Variants in RGS7 observed in about 807,000 individuals in gnomAD.
The protein encoded by RGS7 is regulator of G protein signaling 7, also known as regulator of G-protein signaling 7.
Under a neutral mutation model 81.1 loss-of-function variants are expected in RGS7, and 27 were observed. That is an observed-to-expected ratio of 0.33 (90% CI 0.25 to 0.46). RGS7 has a LOEUF of 0.46. Ranked by LOEUF, RGS7 falls within the 20% of genes least tolerant of loss-of-function variation. The pLI is 1.00. For synonymous variants in RGS7, 208 were observed against 207.7 expected, an observed-to-expected ratio of 1.00 and a Z score of -0.01; for missense variants, 396 against 607.4, an observed-to-expected ratio of 0.65 and a Z score of 3.66.
intron 2 of RGS7, among the ~76,000 whole-genome samples, chr1:241,220,983 A>G (rs1483203066): frequency 1.2e-5 from 1 of 85,880 alleles, no homozygotes. Context: ...GGAAGGAAGG[A>G]AGGAAGGAAG....
chr1:240,960,070 G>A, intron 4 of RGS7, among the ~76,000 whole-genome samples: 1 of 151,582 alleles, frequency 6.6e-6, no homozygotes, highest in Non-Finnish European at 1.5e-5. Context: ...TGTGGCTTGA[G>A]CCTGGGAGGT....
chr1:241,279,807 A>G (rs190671851), intron 2 of RGS7, among the ~76,000 whole-genome samples: 21 of 152,364 alleles, frequency 1.4e-4, no homozygotes, highest in Admixed American at 1.0e-3. Flanking sequence ...ATATAGAATT[A>G]TATGATATGT....
At chr1:241,310,964 T>A (rs1207200765) in intron 2 of RGS7, among the ~76,000 whole-genome samples, 1 of 152,170 alleles carries the variant, frequency 6.6e-6, no homozygotes, top group South Asian at 2.1e-4. Context: ...TGGAATGCAA[T>A]GGAAGACAGA....
intron 6 of RGS7, among the ~76,000 whole-genome samples, chr1:240,913,776 A>G (rs1271660990): frequency 6.6e-6 from 1 of 151,680 alleles, no homozygotes; most frequent in African/African-American, 2.4e-5. Context: ...ATCCCAGAGC[A>G]TCTGTAATTT....
intron 2 of RGS7, among the ~76,000 whole-genome samples, chr1:241,319,302 T>A (rs1417191937): frequency 1.3e-5 from 2 of 152,264 alleles, no homozygotes; most frequent in Non-Finnish European, 2.9e-5. Flanking sequence ...ATGTTATACA[T>A]CCATGAAATG....
chr1:241,112,798 C>A (rs1422656868), intron 2 of RGS7, among the ~76,000 whole-genome samples: 2 of 152,200 alleles, frequency 1.3e-5, no homozygotes, highest in East Asian at 1.9e-4. Context: ...CGATTCAAGG[C>A]ACTACAACGT....
At chr1:240,863,702 T>A (rs988270653) in intron 9 of RGS7, among the ~76,000 whole-genome samples, 3 of 152,066 alleles carry the variant, frequency 2.0e-5, no homozygotes, top group Admixed American at 6.6e-5. Context: ...CTATAATATA[T>A]GAAAAATGCC....
At chr1:241,042,689 C>G (rs1200262351) in intron 3 of RGS7, among the ~76,000 whole-genome samples, 1 of 152,088 alleles carries the variant, frequency 6.6e-6, no homozygotes, top group Non-Finnish European at 1.5e-5. Flanking sequence ...CCTGTAATCC[C>G]AGCACTTTGG....
At chr1:241,255,788 T>C (rs1558242353) in intron 2 of RGS7, among the ~76,000 whole-genome samples, 1 of 152,240 alleles carries the variant, frequency 6.6e-6, no homozygotes, top group Non-Finnish European at 1.5e-5. Flanking sequence ...TGGTGGTTCC[T>C]ACCGCGATGT....
chr1:241,081,182 A>T (rs1037024729), intron 3 of RGS7, among the ~76,000 whole-genome samples: 5 of 152,140 alleles, frequency 3.3e-5, no homozygotes, highest in Non-Finnish European at 7.4e-5. Flanking sequence ...ATTATTTTCT[A>T]TGTGGGTCAA....
At chr1:241,319,426 T>G (rs2081081520) in intron 2 of RGS7, among the ~76,000 whole-genome samples, 3 of 152,202 alleles carry the variant, frequency 2.0e-5, no homozygotes, top group Non-Finnish European at 2.9e-5. Context: ...AAAATATTAA[T>G]GGTGGTAGTG....
rs147756559 is a variant in RGS7, at chr1:241,256,242, T to A, written c.78+99457A>T. Among the ~76,000 whole-genome samples the A allele has an allele frequency of 9.6e-4, 146 of 152,360 alleles. 1 individual carries two copies. Among genetic ancestry groups the A allele is most frequent in the African/African-American group, 3.4e-3 (143 of 41,592 alleles). On this transcript the variant is annotated intron_variant, in intron 2 of 18. Transcript: ENST00000440928. ...AAAATTTATGCATAATTTAAAATTA[T>A]ACATTTTTTAAAAGGCTCTGGGTGG...
chr1:241,203,307 A>G (rs1470761492), intron 2 of RGS7, among the ~76,000 whole-genome samples: 1 of 152,048 alleles, frequency 6.6e-6, no homozygotes, highest in Admixed American at 6.6e-5. Context: ...ATCTCGGCTC[A>G]CTGCAACTTC....
At chr1:240,942,744 A>T (rs1260192538) in intron 4 of RGS7, among the ~76,000 whole-genome samples, 1 of 152,226 alleles carries the variant, frequency 6.6e-6, no homozygotes, top group Non-Finnish European at 1.5e-5. Flanking sequence ...AAAAGAAGAT[A>T]TGTTAGACTT....
chr1:240,805,744 CTT>C (rs1392174597), intron 15 of RGS7, among the ~76,000 whole-genome samples: 1 of 151,722 alleles, frequency 6.6e-6, no homozygotes, highest in Non-Finnish European at 1.5e-5. Context: ...ATGTCAGAGT[CTT>C]AGAATGTCTA....
chr1:241,286,717 C>T (rs551800816), intron 2 of RGS7, among the ~76,000 whole-genome samples: 65 of 152,338 alleles, frequency 4.3e-4, no homozygotes, highest in African/African-American at 1.5e-3. Flanking sequence ...CTGTGGCTTG[C>T]TGCTGCCAGC....
At chr1:240,970,457 C>T (rs1173758012) in intron 4 of RGS7, among the ~76,000 whole-genome samples, 1 of 152,138 alleles carries the variant, frequency 6.6e-6, no homozygotes, top group Non-Finnish European at 1.5e-5. Flanking sequence ...AATGCAAACG[C>T]AACACCAAAA....
chr1:241,107,059 T>C (rs1195755001), intron 2 of RGS7, among the ~76,000 whole-genome samples: 1 of 152,190 alleles, frequency 6.6e-6, no homozygotes. Context: ...AAGAAATGTG[T>C]TGTAAGTACT....
At chr1:241,044,404 C>T (rs536526545) in intron 3 of RGS7, among the ~76,000 whole-genome samples, 7 of 152,008 alleles carry the variant, frequency 4.6e-5, no homozygotes, top group South Asian at 2.1e-4. Context: ...GCTACCGTGC[C>T]CTGCCCTGAA....
Sources: gnomAD v4.1 joint callset for allele counts (sites outside exome capture counted in the v4.1 genomes callset) on GRCh38, gnomAD v4.1.1 for gene constraint, MANE v1.5 for transcripts, NCBI Gene and HGNC (gene_info 2026-07-23, HGNC 2026-07-21) for gene names.